Variants in THAP6 observed in about 807,000 individuals in gnomAD.
THAP6 encodes the protein THAP domain containing 6, also known as THAP domain-containing protein 6.
Under a neutral mutation model 20.0 loss-of-function variants are expected in THAP6, and 13 were observed. That is an observed-to-expected ratio of 0.65 (90% CI 0.42 to 1.03). The LOEUF (loss-of-function observed/expected upper bound fraction) is 1.03, where lower values mean the gene tolerates loss of function less well. THAP6 is among the 50% of genes least tolerant of loss of function. THAP6 has a pLI of 0.00. For synonymous variants in THAP6, 93 were observed against 92.2 expected, an observed-to-expected ratio of 1.01 and a Z score of -0.05; for missense variants, 262 against 261.6, an observed-to-expected ratio of 1.00 and a Z score of -0.01.
chr4:75,536,311 A>T (rs918858780), intron 2 of THAP6, among the ~76,000 whole-genome samples: 2 of 152,092 alleles, frequency 1.3e-5, no homozygotes, highest in African/African-American at 4.8e-5. Context: ...CTAAAAATAC[A>T]AAATTAGCCA....
Position 75,527,052 on chromosome 4 carries a change from A to C in THAP6, c.507A>C (p.Leu169=), listed in dbSNP as rs1373866581. 2 of 1,614,030 alleles carry C rather than the reference A, an allele frequency of 1.2e-6. No individual in the cohort carries two copies. Among genetic ancestry groups the C allele is most frequent in the Non-Finnish European group, 1.7e-6 (2 of 1,180,000 alleles). The change falls in exon 5 of 5, where the codon CTA becomes CTC. Residue 169 remains leucine (L), a synonymous_variant. Transcript: ENST00000311638. ...AGCTAGAGGATACAAAGGAAAGTCT[A>C]CGGAATGTTTTAGACCGAGAAAAAC... ...IGELEDTKES[L]RNVLDREKRF... is the part of the protein sequence containing the mutation.
chr4:75,538,308 T>C (rs1367878417), intron 2 of THAP6, among the ~76,000 whole-genome samples: 1 of 151,772 alleles, frequency 6.6e-6, no homozygotes, highest in Non-Finnish European at 1.5e-5. Context: ...ACCCAGATTG[T>C]AGGATTTGAG....
At chr4:75,546,166 CAA>C (rs1293334762) in intron 3 of THAP6, among the ~76,000 whole-genome samples, 1 of 152,150 alleles carries the variant, frequency 6.6e-6, no homozygotes, top group African/African-American at 2.4e-5. Context: ...TCTGAAATTC[CAA>C]ACACATGTTC....
rs72866280 is a variant in THAP6 at position 75,527,513 on chromosome 4, G to A, written c.*299G>A. 1,368 of 1,168,036 alleles carry A rather than the reference G, an allele frequency of 1.2e-3. 12 individuals carry two copies. In the African/African-American group the frequency reaches 0.019, roughly 16 times the overall value. 72.4% of individuals were successfully genotyped at this position (1,168,036 alleles called of 1,614,324 possible). ...GAGCTAAAGAAATGATGTCAAATTA[G>A]TCACATTAAGCTATAGTAGAAGGAA... is the stretch of plus-strand genomic sequence containing the variant. On this transcript the variant is annotated 3_prime_UTR_variant, in exon 5 of 5. Transcript: ENST00000311638.
In THAP6 at chr4:75,527,915, C is replaced by A. The variant is rs564146701; in HGVS notation, c.*701C>A. ...TAAAAAGACAAAAAGGATCGTAGAT[C>A]TGATTTTTAAATGGTTGGTTGCTCT... On this transcript the variant is annotated 3_prime_UTR_variant, in exon 5 of 5. Coordinates refer to ENST00000311638, the MANE Select transcript of THAP6 (RefSeq NM_144721.6). The A allele has an allele frequency of 1.8e-4, 175 of 985,404 alleles. 2 individuals are homozygous for A. In the South Asian group the frequency reaches 4.1e-3, roughly 23 times the overall value. The allele number at this position is 985,404 out of a possible 1,614,324, so 61.0% of individuals were successfully genotyped here.
chr4:75,544,077 G>T (rs1195342481), intron 3 of THAP6, among the ~76,000 whole-genome samples: 1 of 152,072 alleles, frequency 6.6e-6, no homozygotes, highest in African/African-American at 2.4e-5. Context: ...TTTATATAGG[G>T]TGATTTTTTG....
At chr4:75,525,103 G>A (rs1014076607) in intron 4 of THAP6, among the ~76,000 whole-genome samples, 12 of 152,190 alleles carry the variant, frequency 7.9e-5, no homozygotes, top group African/African-American at 2.6e-4. Context: ...ATGATGATAT[G>A]CCTTGGTTTC....
chr4:75,546,557 AT>A (rs1391441078), intron 3 of THAP6, among the ~76,000 whole-genome samples: 6 of 152,236 alleles, frequency 3.9e-5, no homozygotes, highest in African/African-American at 1.4e-4. Flanking sequence ...GAATATGGGC[AT>A]GTGTTAGGAT....
downstream of THAP6, among the ~76,000 whole-genome samples, chr4:75,532,253 G>C (rs531761594): frequency 1.2e-4 from 19 of 152,312 alleles, 1 homozygote; most frequent in East Asian, 3.5e-3. Flanking sequence ...CAGGCCCCAT[G>C]CAAGTCTGAA....
intron 3 of THAP6, among the ~76,000 whole-genome samples, chr4:75,520,854 A>G (rs1301254039): frequency 6.6e-6 from 1 of 152,122 alleles, no homozygotes; most frequent in Admixed American, 6.5e-5. Flanking sequence ...TGATAGGCAA[A>G]ATGTTATCTT....
At chr4:75,514,298 C>G (rs1323840162), upstream of THAP6, 1 of 1,608,910 alleles carries the variant, frequency 6.2e-7, no homozygotes, top group Non-Finnish European at 8.5e-7. Flanking sequence ...TCCTCCACCT[C>G]CCCTCACATT....
At chr4:75,532,354 T>TA (rs1726707811), downstream of THAP6, among the ~76,000 whole-genome samples, 2 of 152,210 alleles carry the variant, frequency 1.3e-5, no homozygotes, top group African/African-American at 4.8e-5. Context: ...AGGCATAGGT[T>TA]TCTATAGTCT....
chr4:75,517,675 A>C (rs1392314899), intron 3 of THAP6: 2 of 152,268 alleles, frequency 1.3e-5, no homozygotes, highest in Non-Finnish European at 2.9e-5. Context: ...AGCCACATAC[A>C]TGCAAGCATA....
chr4:75,522,741 TTCTA>T (rs1161044404), intron 4 of THAP6, among the ~76,000 whole-genome samples: 1 of 152,226 alleles, frequency 6.6e-6, no homozygotes, highest in Non-Finnish European at 1.5e-5. Context: ...AGTTCTCCAT[TTCTA>T]TCTGTGTTGT....
chr4:75,514,831 T>A (rs1725431465), intron 1 of THAP6: 1 of 156,808 alleles, frequency 6.4e-6, no homozygotes, highest in Non-Finnish European at 1.4e-5. Context: ...GTTTACTTGC[T>A]GTTCTTTCAA....
intron 3 of THAP6, among the ~76,000 whole-genome samples, chr4:75,518,165 G>A (rs551626205): frequency 3.0e-4 from 46 of 152,230 alleles, no homozygotes; most frequent in African/African-American, 1.0e-3. Context: ...TCATCTAGCC[G>A]TAATGTTAAG....
Position 75,516,879 on chromosome 4 carries a change from C to T in THAP6, c.188C>T (p.Ser63Leu), listed in dbSNP as rs370307359. ...CCTAAAAAAGGAGATGTGTTGTGTT[C>T]GAGGCACTTTAAGAAGACAGATTTT... ...WEPKKGDVLC[S>L]RHFKKTDFDR... Residue 63 changes from serine to leucine, a missense_variant, in exon 3 of 5, where the codon TCG (serine) becomes TTG (leucine). Coordinates refer to ENST00000311638, the MANE Select transcript of THAP6 (RefSeq NM_144721.6). 1.7e-5 allele frequency: 28 copies of T among 1,613,960 alleles called. No homozygotes were observed. Among genetic ancestry groups the T allele is most frequent in the East Asian group, 2.2e-5 (1 of 44,870 alleles).
Position 75,528,835 on chromosome 4 carries a change from G to C in THAP6, c.*1621G>C. 1.1e-6 allele frequency: 1 copy of C among 927,472 alleles called. No homozygotes were observed. Among genetic ancestry groups the C allele is most frequent in the Non-Finnish European group, 1.3e-6 (1 of 777,978 alleles). The allele number at this position is 927,472 out of a possible 1,614,324, so 57.5% of individuals were successfully genotyped here. On this transcript the variant is annotated 3_prime_UTR_variant, in exon 5 of 5. Transcript: ENST00000311638. ...AGGCCAAGGCAGGCAGATCACTTGA[G>C]GTCAGGGGTTCAAAACCAGCCTGGC...
At chr4:75,532,680 C>T (rs971199702), downstream of THAP6, among the ~76,000 whole-genome samples, 10 of 152,196 alleles carry the variant, frequency 6.6e-5, no homozygotes, top group South Asian at 2.1e-4. Flanking sequence ...GAAATTTAGG[C>T]GGAGATGCCC....
Sources: gnomAD v4.1 joint callset for allele counts (sites outside exome capture counted in the v4.1 genomes callset) on GRCh38, gnomAD v4.1.1 for gene constraint, MANE v1.5 for transcripts, NCBI Gene and HGNC (gene_info 2026-07-23, HGNC 2026-07-21) for gene names.